RNF185: variants seen among roughly 807,000 people sequenced by gnomAD.
RNF185 encodes ring finger protein 185.
RNF185 carries 13 observed loss-of-function variants against 24.9 expected under a neutral mutation model. The ratio of observed to expected loss-of-function variants is 0.52; its 90% CI spans 0.34 to 0.83. The LOEUF (loss-of-function observed/expected upper bound fraction) is 0.83. RNF185 is among the 40% of genes least tolerant of loss of function. The probability of loss-of-function intolerance (pLI) is 0.01; values close to 1 mark genes in which losing one functional copy is unlikely to be tolerated. For missense variants in RNF185, 184 were observed against 244.7 expected (o/e 0.75, Z 1.65); for synonymous variants, 79 against 90.3 (o/e 0.88, Z 0.71).
chr22:31,186,945 G>T (rs2048104890), intron 1 of RNF185, 102 bp from the exon 2 acceptor site: 4 of 845,072 alleles, frequency 4.7e-6, no homozygotes, highest in South Asian at 1.7e-5. Context: ...CAGGGATTCA[G>T]TCATAATCAG....
In RNF185 at chr22:31,195,366, T is replaced by C. The variant is rs926708011; in HGVS notation, c.196-103T>C. On this transcript the variant is annotated intron_variant, in intron 3 of 6. Transcript: ENST00000326132. The stretch of plus-strand genomic sequence containing the variant: ...GAGATGTTCCCTGCTCATGCTGGTG[T>C]TTCCCAGTTTGAGGCCTCTGGCCTG... 2.0e-5 allele frequency: 13 copies of C among 653,568 alleles called. No individual in the cohort carries two copies. The East Asian group carries it at 3.7e-4, about 18-fold the overall frequency. 40.5% of individuals were successfully genotyped at this position (653,568 alleles called of 1,614,324 possible). A position where few individuals can be genotyped will look rare whatever the true frequency, so the allele number is the denominator to read the frequency against.
At chr22:31,187,777 T>C (rs2048114012) in intron 2 of RNF185, among the ~76,000 whole-genome samples, 1 of 152,224 alleles carries the variant, frequency 6.6e-6, no homozygotes, top group African/African-American at 2.4e-5. Flanking sequence ...CTATAATTGT[T>C]ACTATATTTT....
intron 1 of RNF185, among the ~76,000 whole-genome samples, chr22:31,177,591 T>C (rs1324647542): frequency 6.6e-6 from 1 of 152,204 alleles, no homozygotes; most frequent in East Asian, 1.9e-4. Flanking sequence ...GCAGGTCCCA[T>C]TTCTGCCTAC....
chr22:31,194,451 C>T (rs928334307), intron 3 of RNF185, among the ~76,000 whole-genome samples: 4 of 151,742 alleles, frequency 2.6e-5, no homozygotes, highest in Non-Finnish European at 4.4e-5. Flanking sequence ...AGAAATTGGC[C>T]GGGCGCGGTG....
intron 1 of RNF185, among the ~76,000 whole-genome samples, chr22:31,184,780 C>T (rs186798260): frequency 0.026 from 3,969 of 152,110 alleles, 81 homozygotes; most frequent in African/African-American, 0.047. Flanking sequence ...TCAGGTGTGG[C>T]GGCGCGCGCC....
chr22:31,184,319 G>C (rs1010424577), intron 1 of RNF185, among the ~76,000 whole-genome samples: 1 of 151,962 alleles, frequency 6.6e-6, no homozygotes, highest in African/African-American at 2.4e-5. Context: ...TCTCAGACGG[G>C]GTGGCGGGGC....
intron 1 of RNF185, among the ~76,000 whole-genome samples, chr22:31,168,659 C>G (rs1924087975): frequency 6.6e-6 from 1 of 152,170 alleles, no homozygotes; most frequent in Non-Finnish European, 1.5e-5. Context: ...TCCACAGCAG[C>G]TGTACCATTT....
intron 2 of RNF185, among the ~76,000 whole-genome samples, chr22:31,189,690 C>G (rs1426145318): frequency 6.6e-6 from 1 of 151,092 alleles, no homozygotes; most frequent in Non-Finnish European, 1.5e-5. Flanking sequence ...ACTGCAATCT[C>G]TGCCTCCCAA....
intron 1 of RNF185, among the ~76,000 whole-genome samples, chr22:31,171,558 G>A (rs549959656): frequency 6.6e-6 from 1 of 152,262 alleles, no homozygotes; most frequent in Non-Finnish European, 1.5e-5. Context: ...CAAATACAAT[G>A]GAGGTGGCTC....
chr22:31,164,670 C>CG (rs983878040), intron 1 of RNF185, among the ~76,000 whole-genome samples: 2 of 126,842 alleles, frequency 1.6e-5, no homozygotes, highest in East Asian at 1.1e-3. Flanking sequence ...CTAACTGCAA[C>CG]CCCCCTCCCG....
intron 1 of RNF185, among the ~76,000 whole-genome samples, chr22:31,163,475 A>G (rs947332581): frequency 6.6e-6 from 1 of 151,728 alleles, no homozygotes; most frequent in East Asian, 1.9e-4. Flanking sequence ...CTACGGGCAC[A>G]CACCACCACA....
Position 31,162,905 on chromosome 22 carries a change from C to T in RNF185, c.-49+2602C>T, listed in dbSNP as rs5753487. ...TCAGCCTCCCGAATAGCTGGGACTA[C>T]AGGCGCCCACCCCGATGACTGGCTA... On this transcript the variant is annotated intron_variant, in intron 1 of 6. Coordinates refer to ENST00000326132, the MANE Select transcript of RNF185 (RefSeq NM_152267.4). 0.035 allele frequency among the ~76,000 whole-genome samples: 5,325 copies of T among 151,910 alleles called. 507 individuals carry two copies. The East Asian group carries it at 0.39, about 11-fold the overall frequency.
In RNF185 at chr22:31,205,097, C is replaced by G. The variant is rs2048302412; in HGVS notation, c.*511C>G. 5.7e-6 allele frequency: 1 copy of G among 175,694 alleles called. No individual in the cohort carries two copies. The highest frequency in any genetic ancestry group is 1.4e-5 in the Non-Finnish European group (1 of 70,810). The allele number at this position is 175,694 out of a possible 1,614,324, so 10.9% of individuals were successfully genotyped here. ...GCTCTGTTCTCTTTCCTTCCCCTCC[C>G]ACTCCCCCTCTTCTTCCTCTGTAGA... On this transcript the variant is annotated 3_prime_UTR_variant, in exon 7 of 7. Transcript: ENST00000326132.
In RNF185 at chr22:31,187,105, A is replaced by G; in HGVS notation, c.11A>G (p.Lys4Arg). 1.2e-6 allele frequency: 2 copies of G among 1,605,500 alleles called. No individual in the cohort carries two copies. Among genetic ancestry groups the G allele is most frequent in the South Asian group, 1.1e-5 (1 of 90,434 alleles). Residue 4 changes from lysine to arginine, a missense_variant, in exon 2 of 7, where the codon AAG becomes AGG. Lys to Arg is a conservative substitution (Grantham distance 26). Coordinates refer to ENST00000326132, the MANE Select transcript of RNF185 (RefSeq NM_152267.4). MASKGPSASASPEN... is the reference protein window; with the variant it reads MASRGPSASASPEN... Reference sequence around the variant, plus strand: ...CGCTGACAGCCAAGGATGGCAAGCAAGGGGCCCTCGGCCTCTGCATCTCCT... The same window carrying G: ...CGCTGACAGCCAAGGATGGCAAGCAGGGGGCCCTCGGCCTCTGCATCTCCT...
chr22:31,181,303 C>G (rs1163203338), intron 1 of RNF185, among the ~76,000 whole-genome samples: 1 of 151,740 alleles, frequency 6.6e-6, no homozygotes, highest in African/African-American at 2.4e-5. Context: ...GTGATTGCAC[C>G]ACTGCACTCC....
chr22:31,181,943 T>G (rs545547423), intron 1 of RNF185, among the ~76,000 whole-genome samples: 48 of 151,924 alleles, frequency 3.2e-4, no homozygotes, highest in African/African-American at 1.1e-3. Context: ...ACATAGCACA[T>G]GTATACATAT....
At chr22:31,178,247 G>A (rs1307213754) in intron 1 of RNF185, among the ~76,000 whole-genome samples, 2 of 152,214 alleles carry the variant, frequency 1.3e-5, no homozygotes, top group Non-Finnish European at 2.9e-5. Context: ...CAGCAGATTT[G>A]TCCCTTACCC....
At chr22:31,186,315 G>A (rs1458413008) in intron 1 of RNF185, among the ~76,000 whole-genome samples, 7 of 152,020 alleles carry the variant, frequency 4.6e-5, no homozygotes, top group African/African-American at 7.2e-5. Flanking sequence ...ATATTCTGGC[G>A]TATGGGCTGG....
At chr22:31,195,361 T>C (rs1255538165) in intron 3 of RNF185, 108 bp from the exon 4 acceptor site, 1 of 633,720 alleles carries the variant, frequency 1.6e-6, no homozygotes, top group East Asian at 2.8e-5. Context: ...CTGCTCATGC[T>C]GGTGTTTCCC....
Sources: allele counts gnomAD v4.1 joint callset (sites outside exome capture counted in the v4.1 genomes callset), GRCh38; gene constraint gnomAD v4.1.1; transcripts MANE v1.5; gene names NCBI Gene and HGNC (gene_info 2026-07-23, HGNC 2026-07-21).